WDR33: variants seen among roughly 807,000 people sequenced by gnomAD.
WDR33 encodes WD repeat domain 33.
In WDR33, 47 loss-of-function variants were observed where a neutral mutation model predicts 164.9. That is an observed-to-expected ratio of 0.29 (90% CI 0.23 to 0.36). The LOEUF is 0.36. Ranked by LOEUF, WDR33 falls within the 10% of genes least tolerant of loss-of-function variation. WDR33 has a pLI of 1.00. For missense variants in WDR33, 1,137 were observed against 1,754.1 expected (o/e 0.65, Z 6.28); for synonymous variants, 505 against 589.0 (o/e 0.86, Z 2.06).
At chr2:127,727,998 C>G (rs1686612460) in intron 7 of WDR33, among the ~76,000 whole-genome samples, 1 of 152,180 alleles carries the variant, frequency 6.6e-6, no homozygotes, top group Admixed American at 6.5e-5. Context: ...ACACAATACC[C>G]CGTACTGGCA....
At chr2:127,772,206 A>T (rs1159459909) in intron 1 of WDR33, among the ~76,000 whole-genome samples, 1 of 152,066 alleles carries the variant, frequency 6.6e-6, no homozygotes, top group Admixed American at 6.5e-5. Context: ...GGAGGCCGAG[A>T]TGGGCGGATC....
intron 7 of WDR33, among the ~76,000 whole-genome samples, chr2:127,744,015 G>A (rs1425153195): frequency 6.6e-6 from 1 of 152,176 alleles, no homozygotes; most frequent in Non-Finnish European, 1.5e-5. Flanking sequence ...TATGGGGCTG[G>A]AGGAAAGACT....
At position 127,704,721 on chromosome 2, in the gene WDR33, A is replaced by C. The variant is rs1685971722; in HGVS notation, c.*1602T>G. The stretch of plus-strand genomic sequence containing the variant: ...TTAGCTTTTGCTGTTTTTTACATTC[A>C]TAGAGAACCAGTTAAATTTTCATAT... On this transcript the variant is annotated 3_prime_UTR_variant, in exon 22 of 22. Transcript: ENST00000322313. The C allele has an allele frequency of 6.0e-6, 1 of 167,094 alleles. No individual in the cohort carries two copies. Among genetic ancestry groups the C allele is most frequent in the African/African-American group, 2.4e-5 (1 of 41,454 alleles). The allele number at this position is 167,094 out of a possible 1,614,324, so 10.4% of individuals were successfully genotyped here.
chr2:127,758,478 T>A (rs569920102), intron 7 of WDR33, among the ~76,000 whole-genome samples: 1 of 152,076 alleles, frequency 6.6e-6, no homozygotes, highest in Non-Finnish European at 1.5e-5. Flanking sequence ...ACTGCTCTGG[T>A]AGGGCTACTG....
At chr2:127,745,956 T>C (rs970609114) in intron 7 of WDR33, among the ~76,000 whole-genome samples, 8 of 151,208 alleles carry the variant, frequency 5.3e-5, no homozygotes, top group Admixed American at 2.6e-4. Flanking sequence ...GCCCTGGAGT[T>C]CAAGGTTGCA....
At chr2:127,782,390 A>G (rs940745807) in intron 1 of WDR33, among the ~76,000 whole-genome samples, 6 of 152,118 alleles carry the variant, frequency 3.9e-5, no homozygotes, top group African/African-American at 1.4e-4. Flanking sequence ...CCTGGGCATG[A>G]TCTCAAATTT....
At chr2:127,804,491 AG>A in intron 1 of WDR33, among the ~76,000 whole-genome samples, 1 of 151,896 alleles carries the variant, frequency 6.6e-6, no homozygotes, top group South Asian at 2.1e-4. Flanking sequence ...TCTTGAGCAG[AG>A]AAGTGCGGAG....
chr2:127,777,787 A>C (rs1215808751), intron 1 of WDR33, among the ~76,000 whole-genome samples: 7 of 151,844 alleles, frequency 4.6e-5, no homozygotes, highest in Non-Finnish European at 1.0e-4. Flanking sequence ...AATTTTTTTC[A>C]TTTTTTGTAG....
intron 7 of WDR33, among the ~76,000 whole-genome samples, chr2:127,762,050 T>TG (rs937137127): frequency 5.9e-5 from 9 of 152,150 alleles, no homozygotes; most frequent in Non-Finnish European, 8.8e-5. Flanking sequence ...GTGAGAAACT[T>TG]AACGATTCAA....
At position 127,773,610 on chromosome 2, in the gene WDR33, G is replaced by A. The variant is rs139444543; in HGVS notation, c.-23-2606C>T. ...TCTTAGAGCTGTGTGTGAATTAAAC[G>A]GCAGAAAAGAACTAAGCAGTTGATT... On this transcript the variant is annotated intron_variant, in intron 1 of 21. Coordinates refer to ENST00000322313, the MANE Select transcript of WDR33 (RefSeq NM_018383.5). 3.4e-3 allele frequency among the ~76,000 whole-genome samples: 524 copies of A among 152,198 alleles called. 2 individuals carry two copies. Among genetic ancestry groups the A allele is most frequent in the African/African-American group, 0.012 (493 of 41,530 alleles).
rs1188046255 is a variant in WDR33, at chr2:127,713,874, T to A, written c.3017A>T (p.His1006Leu). ...CRGPPDRRGP[H>L]PDFPDDFSRP... Reference sequence around the variant, plus strand: ...GCTGAAGTCATCGGGGAAGTCTGGGTGAGGGCCACGCCTATCAGGGGGACC... The same window carrying A: ...GCTGAAGTCATCGGGGAAGTCTGGGAGAGGGCCACGCCTATCAGGGGGACC... Residue 1006 changes from histidine (H) to leucine (L), a missense_variant, in exon 18 of 22, where the codon CAC becomes CTC. Coordinates refer to ENST00000322313, the MANE Select transcript of WDR33 (RefSeq NM_018383.5). This position sits in a 1 kb window ranked among gnomAD's most constrained non-coding sequence, Gnocchi z 6.2. The A allele has an allele frequency of 6.2e-7, 1 of 1,614,176 alleles. No individual in the cohort carries two copies. The highest frequency in any genetic ancestry group is 1.1e-5 in the South Asian group (1 of 91,080).
intron 1 of WDR33, among the ~76,000 whole-genome samples, chr2:127,805,381 C>T (rs1208782532): frequency 6.6e-6 from 1 of 151,962 alleles, no homozygotes; most frequent in Non-Finnish European, 1.5e-5. Context: ...CGCACCTGGC[C>T]TCTATGAAGT....
At position 127,774,435 on chromosome 2, in the gene WDR33, T is replaced by C. The variant is rs570636739; in HGVS notation, c.-23-3431A>G. The stretch of plus-strand genomic sequence containing the variant: ...AATTATTCTAACAGTATAGTTTCTA[T>C]TACTATAAAATGAGAATAGATTTTT... On this transcript the variant is annotated intron_variant, in intron 1 of 21. Coordinates refer to ENST00000322313, the MANE Select transcript of WDR33 (RefSeq NM_018383.5). 5.9e-5 allele frequency among the ~76,000 whole-genome samples: 9 copies of C among 152,302 alleles called. No homozygotes were observed. In the South Asian group the frequency reaches 1.9e-3, roughly 32 times the overall value.
intron 7 of WDR33, among the ~76,000 whole-genome samples, chr2:127,748,053 G>A (rs929290300): frequency 1.3e-5 from 2 of 152,320 alleles, no homozygotes; most frequent in Admixed American, 1.3e-4. Context: ...CTGAATGAGT[G>A]ACAGCTATTT....
rs991650103 is a variant in WDR33 at position 127,705,137 on chromosome 2, C to G, written c.*1186G>C. ...ATTTGCCAAATAAATTTGACTGATGCCAAAACTGAAGCTGCCAATGTAATG... is the reference window on the plus strand; with the variant it reads ...ATTTGCCAAATAAATTTGACTGATGGCAAAACTGAAGCTGCCAATGTAATG... On this transcript the variant is annotated 3_prime_UTR_variant, in exon 22 of 22. Transcript: ENST00000322313. This position sits in a 1 kb window ranked among gnomAD's most constrained non-coding sequence, Gnocchi z 4.5. 2.4e-5 allele frequency: 4 copies of G among 167,060 alleles called. No homozygotes were observed. The Admixed American group carries it at 2.6e-4, about 11-fold the overall frequency. 10.3% of individuals were successfully genotyped at this position (167,060 alleles called of 1,614,324 possible).
At chr2:127,800,234 T>C (rs1226805891) in intron 1 of WDR33, among the ~76,000 whole-genome samples, 1 of 152,128 alleles carries the variant, frequency 6.6e-6, no homozygotes, top group African/African-American at 2.4e-5. Flanking sequence ...TTAATAATAA[T>C]CAAAAAGTGA....
rs532014408 is a variant in WDR33 at position 127,757,507 on chromosome 2, C to T, written c.724+5555G>A. 3.3e-5 allele frequency among the ~76,000 whole-genome samples: 5 copies of T among 152,198 alleles called. No homozygotes were observed. In the East Asian group the frequency reaches 9.6e-4, roughly 29 times the overall value. ...AGAAACGCTTCCTCAAAGTAAGAAA[C>T]TGGATACAGAATACAGGCAGCTAGC... is the stretch of plus-strand genomic sequence containing the variant. On this transcript the variant is annotated intron_variant, in intron 7 of 21. Coordinates refer to ENST00000322313, the MANE Select transcript of WDR33 (RefSeq NM_018383.5).
At position 127,741,348 on chromosome 2, in the gene WDR33, G is replaced by A. The variant is rs1369154770; in HGVS notation, c.725-14571C>T. ...AAAAGAGAAAAGAGAAGGGAGGGAG[G>A]AGAGAAAGATGGCAGTTCCACTTAA... On this transcript the variant is annotated intron_variant, in intron 7 of 21. Coordinates refer to ENST00000322313, the MANE Select transcript of WDR33 (RefSeq NM_018383.5). The surrounding 1 kb of genome is among the most constrained non-coding windows in gnomAD (Gnocchi z 4.1). Among the ~76,000 whole-genome samples the A allele has an allele frequency of 1.3e-5, 2 of 152,124 alleles. No homozygotes were observed. Among genetic ancestry groups the A allele is most frequent in the African/African-American group, 4.8e-5 (2 of 41,416 alleles).
chr2:127,712,912 AC>A lies in WDR33; in HGVS notation c.3308+670del, dbSNP rs1295802648. Among the ~76,000 whole-genome samples the A allele has an allele frequency of 1.3e-5, 2 of 152,022 alleles. No homozygotes were observed. Among genetic ancestry groups the A allele is most frequent in the Non-Finnish European group, 2.9e-5 (2 of 68,000 alleles). ...TAGGACTACAGGCATGCACCACCAA[AC>A]CCAGCTAATTAAAAAATTTTTTTTG... On this transcript the variant is annotated intron_variant, in intron 18 of 21. Transcript: ENST00000322313. This position sits in a 1 kb window ranked among gnomAD's most constrained non-coding sequence, Gnocchi z 4.0.
Sources: gnomAD v4.1 joint callset for allele counts (sites outside exome capture counted in the v4.1 genomes callset) on GRCh38, gnomAD v4.1.1 for gene constraint, Gnocchi (gnomAD v3.1) non-coding constraint, MANE v1.5 for transcripts, NCBI Gene and HGNC (gene_info 2026-07-23, HGNC 2026-07-21) for gene names.